OPCML: variants seen among roughly 807,000 people sequenced by gnomAD.
The protein encoded by OPCML is opioid-binding protein/cell adhesion molecule.
A neutral mutation model predicts 37.8 loss-of-function variants in OPCML; 13 were observed. The ratio of observed to expected loss-of-function variants is 0.34; its 90% confidence interval spans 0.22 to 0.55. The LOEUF is 0.55. Ranked by LOEUF, OPCML falls within the 20% of genes least tolerant of loss-of-function variation. OPCML has a pLI of 0.91. For synonymous variants in OPCML, 176 were observed against 168.8 expected, an observed-to-expected ratio of 1.04 and a Z score of -0.33; for missense variants, 341 against 435.6, an observed-to-expected ratio of 0.78 and a Z score of 1.93.
At chr11:132,920,831 T>C (rs573443152) in intron 2 of OPCML, among the ~76,000 whole-genome samples, 15 of 152,316 alleles carry the variant, frequency 9.8e-5, no homozygotes, top group African/African-American at 3.6e-4. Flanking sequence ...GCCCGTGCTG[T>C]CATGTCACGG....
chr11:133,225,665 CTG>C (rs956005320), intron 1 of OPCML, among the ~76,000 whole-genome samples: 11 of 152,074 alleles, frequency 7.2e-5, no homozygotes, highest in African/African-American at 1.2e-4. Context: ...AAAAGAAAAA[CTG>C]AGGCCTACAG....
intron 1 of OPCML, among the ~76,000 whole-genome samples, chr11:133,318,156 C>T (rs1238600240): frequency 6.6e-6 from 1 of 152,180 alleles, no homozygotes; most frequent in Non-Finnish European, 1.5e-5. Context: ...TGTGCTGGCT[C>T]TTTTAGGACA....
intron 1 of OPCML, among the ~76,000 whole-genome samples, chr11:133,373,898 CA>C (rs1277690026): frequency 6.6e-6 from 1 of 151,890 alleles, no homozygotes; most frequent in Non-Finnish European, 1.5e-5. Flanking sequence ...TATGTTTAAC[CA>C]CTTATTTAAA....
At chr11:133,228,638 G>T (rs906055059) in intron 1 of OPCML, among the ~76,000 whole-genome samples, 1 of 152,228 alleles carries the variant, frequency 6.6e-6, no homozygotes, top group South Asian at 2.1e-4. Context: ...ACCTGCCCCC[G>T]CTTGGGCTGC....
At chr11:132,877,951 C>T (rs894774793) in intron 2 of OPCML, among the ~76,000 whole-genome samples, 3 of 152,164 alleles carry the variant, frequency 2.0e-5, no homozygotes, top group African/African-American at 4.8e-5. Flanking sequence ...AACTTATTCA[C>T]CATTTTGGCA....
At chr11:133,524,670 G>A (rs1948455834) in intron 1 of OPCML, among the ~76,000 whole-genome samples, 1 of 152,260 alleles carries the variant, frequency 6.6e-6, no homozygotes, top group Admixed American at 6.5e-5. Flanking sequence ...CCAAAAGTGT[G>A]CTGCTCCAGC....
intron 1 of OPCML, among the ~76,000 whole-genome samples, chr11:133,036,770 C>A (rs952264517): frequency 6.6e-6 from 1 of 152,202 alleles, no homozygotes; most frequent in African/African-American, 2.4e-5. Context: ...ATTCTGCATT[C>A]AGAAAAGAAC....
chr11:133,421,621 G>A (rs1328514401), intron 1 of OPCML: 13 of 985,292 alleles, frequency 1.3e-5, no homozygotes, highest in Non-Finnish European at 1.6e-5. Flanking sequence ...TGAATGTTAA[G>A]GCTCAGTCAT....
intron 1 of OPCML, among the ~76,000 whole-genome samples, chr11:133,332,126 A>G (rs747370844): frequency 3.3e-5 from 5 of 152,094 alleles, no homozygotes; most frequent in Non-Finnish European, 7.4e-5. Context: ...TGTAATTCTC[A>G]TTGTAGAGAC....
chr11:132,563,365 G>GGT (rs2096414871), intron 3 of OPCML, among the ~76,000 whole-genome samples: 1 of 152,036 alleles, frequency 6.6e-6, no homozygotes, highest in African/African-American at 2.4e-5. Context: ...GTGAGAAAGA[G>GGT]GTGTGTGTAT....
chr11:133,255,002 T>A, intron 1 of OPCML, among the ~76,000 whole-genome samples: 1 of 152,190 alleles, frequency 6.6e-6, no homozygotes, highest in Middle Eastern at 3.4e-3. Context: ...ACATGCTAGG[T>A]TTTTTAAATC....
At chr11:132,430,894 C>T (rs186013008) in intron 7 of OPCML, among the ~76,000 whole-genome samples, 5 of 152,254 alleles carry the variant, frequency 3.3e-5, no homozygotes, top group Admixed American at 3.3e-4. Flanking sequence ...TCCTTCTCTG[C>T]ACACTAAGGA....
intron 2 of OPCML, among the ~76,000 whole-genome samples, chr11:132,716,408 GTCTGTCTATCTATCTATCTA>G (rs1565801981): frequency 4.8e-5 from 2 of 41,704 alleles, no homozygotes; most frequent in African/African-American, 3.1e-4. Context: ...CTATCTATCT[GTCTGTCTATCTATCTATCTA>G]TCTATCTATC....
At chr11:132,683,526 T>C (rs1436517817) in intron 2 of OPCML, among the ~76,000 whole-genome samples, 2 of 152,234 alleles carry the variant, frequency 1.3e-5, no homozygotes, top group African/African-American at 2.4e-5. Context: ...GTATGACTTT[T>C]CGTAACTTAA....
In OPCML at chr11:132,478,436, G is replaced by T. The variant is rs147366451; in HGVS notation, c.506-41077C>A. Reference sequence around the variant, plus strand: ...GGAAGATGAGAAAGATGAAGAACAGGAAGACAAGTGAAGAGACAGATAACG... The same window carrying T: ...GGAAGATGAGAAAGATGAAGAACAGTAAGACAAGTGAAGAGACAGATAACG... On this transcript the variant is annotated intron_variant, in intron 4 of 7. Transcript: ENST00000524381. 4.9e-3 allele frequency among the ~76,000 whole-genome samples: 740 copies of T among 152,268 alleles called. 4 individuals carry two copies. The highest frequency in any genetic ancestry group is 0.016 in the African/African-American group (681 of 41,552).
intron 2 of OPCML, among the ~76,000 whole-genome samples, chr11:132,812,131 A>G (rs186451584): frequency 1.3e-5 from 2 of 152,262 alleles, no homozygotes; most frequent in Admixed American, 1.3e-4. Flanking sequence ...TTAGAGAATC[A>G]CAACATTAAG....
chr11:133,409,464 T>C (rs372578007), intron 1 of OPCML, among the ~76,000 whole-genome samples: 2 of 152,318 alleles, frequency 1.3e-5, no homozygotes, highest in African/African-American at 4.8e-5. Flanking sequence ...AAGCATCTAG[T>C]CTCCCAGTGG....
At chr11:133,326,439 G>A (rs1208461907) in intron 1 of OPCML, among the ~76,000 whole-genome samples, 1 of 141,274 alleles carries the variant, frequency 7.1e-6, no homozygotes, top group African/African-American at 2.6e-5. Context: ...GTGGGTGCGT[G>A]TATGTGTGTG....
At chr11:133,184,997 A>G (rs1938008533) in intron 1 of OPCML, among the ~76,000 whole-genome samples, 1 of 152,148 alleles carries the variant, frequency 6.6e-6, no homozygotes. Context: ...TTTTCCTTCA[A>G]TTTTGACTCT....
Sources: gnomAD v4.1 joint callset for allele counts (sites outside exome capture counted in the v4.1 genomes callset) on GRCh38, gnomAD v4.1.1 for gene constraint, MANE v1.5 for transcripts, NCBI Gene and HGNC (gene_info 2026-07-23, HGNC 2026-07-21) for gene names.